NRXN1: variants seen among roughly 807,000 people sequenced by gnomAD.
NRXN1 encodes the protein neurexin 1.
Under a neutral mutation model 150.9 loss-of-function variants are expected in NRXN1, and 39 were observed. That is an observed-to-expected ratio of 0.26 (90% CI 0.20 to 0.34). The LOEUF is 0.34. NRXN1 is among the 10% of genes least tolerant of loss of function. The pLI, the probability that NRXN1 is intolerant of heterozygous loss-of-function variation, is 1.00. For missense variants in NRXN1, 1,815 were observed against 1,949.9 expected, an observed-to-expected ratio of 0.93 and a Z score of 1.30; for synonymous variants, 924 against 757.0, an observed-to-expected ratio of 1.22 and a Z score of -3.62.
chr2:49,962,951 C>CTAAATAAATAAA (rs113862669), intron 21 of NRXN1, among the ~76,000 whole-genome samples: 5 of 148,404 alleles, frequency 3.4e-5, no homozygotes, highest in African/African-American at 1.2e-4. Flanking sequence ...GAGCCTGCCT[C>CTAAATAAATAAA]TAAATAAATA....
At chr2:50,432,818 A>T (rs1403472634) in intron 17 of NRXN1, among the ~76,000 whole-genome samples, 3 of 152,168 alleles carry the variant, frequency 2.0e-5, no homozygotes, top group Non-Finnish European at 2.9e-5. Flanking sequence ...ATCCAATACA[A>T]TTCAAGGTAG....
At chr2:50,881,871 G>A (rs1679484264) in intron 5 of NRXN1, among the ~76,000 whole-genome samples, 1 of 151,646 alleles carries the variant, frequency 6.6e-6, no homozygotes. Flanking sequence ...AGGAGTTAAT[G>A]GAGTTTGCCA....
intron 17 of NRXN1, among the ~76,000 whole-genome samples, chr2:50,251,221 C>T (rs2067037038): frequency 6.6e-6 from 1 of 151,950 alleles, no homozygotes; most frequent in African/African-American, 2.4e-5. Context: ...GGTGAGCTCC[C>T]CTTCCTGTGT....
intron 5 of NRXN1, among the ~76,000 whole-genome samples, chr2:50,737,078 T>A (rs550489016): frequency 1.3e-5 from 2 of 151,636 alleles, no homozygotes; most frequent in African/African-American, 4.9e-5. Context: ...GCCAACATGA[T>A]GAAACCCCAT....
chr2:50,762,132 C>G (rs927120953), intron 5 of NRXN1, among the ~76,000 whole-genome samples: 3 of 151,386 alleles, frequency 2.0e-5, no homozygotes, highest in African/African-American at 7.3e-5. Context: ...TACACACACA[C>G]ACACACACAC....
intron 5 of NRXN1, among the ~76,000 whole-genome samples, chr2:50,858,227 C>T (rs1675557350): frequency 6.6e-6 from 1 of 151,842 alleles, no homozygotes; most frequent in Non-Finnish European, 1.5e-5. Context: ...GACACAAATA[C>T]AACAAATTAA....
intron 19 of NRXN1, among the ~76,000 whole-genome samples, chr2:50,079,347 G>T (rs1387275352): frequency 3.3e-5 from 5 of 151,880 alleles, no homozygotes; most frequent in African/African-American, 1.2e-4. Flanking sequence ...AGATTTATTG[G>T]ATCACAGCCA....
At chr2:49,963,780 G>A (rs1002864158) in intron 21 of NRXN1, among the ~76,000 whole-genome samples, 5 of 152,172 alleles carry the variant, frequency 3.3e-5, no homozygotes, top group Non-Finnish European at 7.3e-5. Context: ...TATGAACGGT[G>A]AATTAAATGA....
intron 17 of NRXN1, among the ~76,000 whole-genome samples, chr2:50,329,508 T>C (rs1255260653): frequency 1.3e-5 from 2 of 149,214 alleles, no homozygotes; most frequent in African/African-American, 2.5e-5. Flanking sequence ...AAAATAACTA[T>C]ACCTTCTAAC....
At chr2:50,775,598 G>C (rs1703517949) in intron 5 of NRXN1, among the ~76,000 whole-genome samples, 1 of 151,798 alleles carries the variant, frequency 6.6e-6, no homozygotes, top group Admixed American at 6.6e-5. Flanking sequence ...CTACTTATTG[G>C]GCCTTTAAAG....
chr2:50,802,246 C>T (rs1401348828), intron 5 of NRXN1, among the ~76,000 whole-genome samples: 1 of 152,012 alleles, frequency 6.6e-6, no homozygotes, highest in African/African-American at 2.4e-5. Context: ...AATCCCAGCA[C>T]TTTGGGAGGC....
intron 19 of NRXN1, among the ~76,000 whole-genome samples, chr2:50,070,530 G>A (rs1330642216): frequency 6.6e-6 from 1 of 151,886 alleles, no homozygotes; most frequent in African/African-American, 2.4e-5. Flanking sequence ...CAGCACTTTG[G>A]GAGGCCGAGG....
intron 5 of NRXN1, among the ~76,000 whole-genome samples, chr2:50,703,733 T>C (rs1483708836): frequency 1.3e-5 from 2 of 152,174 alleles, no homozygotes; most frequent in Non-Finnish European, 2.9e-5. Context: ...ATGTTTATTG[T>C]ATGTTAGAAT....
chr2:50,045,106 G>A (rs1386160127), intron 21 of NRXN1, among the ~76,000 whole-genome samples: 1 of 152,118 alleles, frequency 6.6e-6, no homozygotes, highest in South Asian at 2.1e-4. Context: ...TGAGGTCCCA[G>A]CCTAATGGTG....
chr2:50,665,267 G>A (rs1687862784), intron 5 of NRXN1, among the ~76,000 whole-genome samples: 1 of 151,638 alleles, frequency 6.6e-6, no homozygotes, highest in African/African-American at 2.4e-5. Context: ...ATCTAAGAAG[G>A]GTGCCCTCTC....
intron 18 of NRXN1, among the ~76,000 whole-genome samples, chr2:50,142,367 A>G (rs902409180): frequency 8.6e-5 from 13 of 151,854 alleles, no homozygotes; most frequent in African/African-American, 1.2e-4. Context: ...ATACAGTTAG[A>G]TGGAAGAAAT....
chr2:50,149,013 G>A (rs1369127915), intron 18 of NRXN1, among the ~76,000 whole-genome samples: 1 of 151,694 alleles, frequency 6.6e-6, no homozygotes, highest in Non-Finnish European at 1.5e-5. Context: ...TTAACAATAT[G>A]TTTTCTCTAA....
intron 8 of NRXN1, among the ~76,000 whole-genome samples, chr2:50,582,333 G>T (rs1394861197): frequency 6.6e-6 from 1 of 151,642 alleles, no homozygotes; most frequent in East Asian, 1.9e-4. Flanking sequence ...AACCAGCCTG[G>T]GCAGCATGCC....
chr2:50,412,702 A>G (rs193067383), intron 17 of NRXN1, among the ~76,000 whole-genome samples: 11 of 152,330 alleles, frequency 7.2e-5, no homozygotes, highest in South Asian at 4.1e-4. Context: ...ATATAATAAA[A>G]GAACATAGTC....
Sources: allele counts gnomAD v4.1 joint callset (sites outside exome capture counted in the v4.1 genomes callset), GRCh38; gene constraint gnomAD v4.1.1; transcripts MANE v1.5; gene names NCBI Gene and HGNC (gene_info 2026-07-23, HGNC 2026-07-21).